COMMD10: variants seen among roughly 807,000 people sequenced by gnomAD.
The protein encoded by COMMD10 is COMM domain containing 10.
Under a neutral mutation model 28.9 loss-of-function variants are expected in COMMD10, and 33 were observed. The ratio of observed to expected loss-of-function variants is 1.14; its 90% CI spans 0.87 to 1.53. The LOEUF (loss-of-function observed/expected upper bound fraction) is 1.53. COMMD10 is among the 40% of genes most tolerant of loss of function. The pLI, the probability that COMMD10 is intolerant of heterozygous loss-of-function variation, is 0.00. For synonymous variants in COMMD10, 110 were observed against 81.7 expected (o/e 1.35, Z -1.87); for missense variants, 310 against 233.4 (o/e 1.33, Z -2.14).
chr5:116,191,258 A>G (rs1391246766), intron 5 of COMMD10, among the ~76,000 whole-genome samples: 1 of 152,142 alleles, frequency 6.6e-6, no homozygotes, highest in Non-Finnish European at 1.5e-5. Context: ...CTCTAGCTGA[A>G]CTTTGTAACA....
chr5:116,097,810 G>A (rs1227411313), intron 4 of COMMD10, among the ~76,000 whole-genome samples: 2 of 151,958 alleles, frequency 1.3e-5, no homozygotes, highest in African/African-American at 4.8e-5. Context: ...AGGAACAAGA[G>A]AGAGAGGGAG....
rs548911112 is a variant in COMMD10 at position 116,252,163 on chromosome 5, A to G, written c.511-39354A>G. On this transcript the variant is annotated intron_variant, in intron 5 of 6. Coordinates refer to ENST00000274458, the MANE Select transcript of COMMD10 (RefSeq NM_016144.4). Reference sequence around the variant, plus strand: ...ATGGGGTTGTTTGTTTTTTTCTTGTAAATTTGTTTGAGTTCATTGTAGATT... The same window carrying G: ...ATGGGGTTGTTTGTTTTTTTCTTGTGAATTTGTTTGAGTTCATTGTAGATT... Among the ~76,000 whole-genome samples the G allele has an allele frequency of 7.6e-3, 1,080 of 143,000 alleles. 13 individuals carry two copies. Among genetic ancestry groups the G allele is most frequent in the African/African-American group, 0.028 (1,038 of 37,136 alleles). The allele number at this position is 143,000 out of a possible 152,430, so 93.8% of individuals were successfully genotyped here.
At chr5:116,265,524 T>TAA (rs1365922174) in intron 5 of COMMD10, among the ~76,000 whole-genome samples, 52 of 151,826 alleles carry the variant, frequency 3.4e-4, no homozygotes, top group Non-Finnish European at 6.8e-4. Context: ...TGTGTTTTCC[T>TAA]TACTCACCAT....
At chr5:116,283,858 A>C (rs1177833720) in intron 5 of COMMD10, among the ~76,000 whole-genome samples, 3 of 151,812 alleles carry the variant, frequency 2.0e-5, no homozygotes, top group African/African-American at 7.3e-5. Flanking sequence ...GGCCAGGTAC[A>C]GTGGCTCATG....
At chr5:116,219,616 G>T (rs1395482710) in intron 5 of COMMD10, among the ~76,000 whole-genome samples, 1 of 152,052 alleles carries the variant, frequency 6.6e-6, no homozygotes, top group African/African-American at 2.4e-5. Flanking sequence ...TTTCCAAGAG[G>T]GAATATAGCC....
intron 5 of COMMD10, among the ~76,000 whole-genome samples, chr5:116,247,745 G>T (rs935979224): frequency 6.6e-6 from 1 of 152,014 alleles, no homozygotes; most frequent in Non-Finnish European, 1.5e-5. Flanking sequence ...TCCCTTATAA[G>T]TGGGAGCTAA....
intron 4 of COMMD10, among the ~76,000 whole-genome samples, chr5:116,098,592 A>G (rs1054153628): frequency 2.0e-5 from 3 of 152,224 alleles, no homozygotes; most frequent in Admixed American, 6.5e-5. Flanking sequence ...GATTTAAAGT[A>G]TAAAGGAGGA....
chr5:116,282,850 G>A (rs928470791), intron 5 of COMMD10, among the ~76,000 whole-genome samples: 1 of 151,852 alleles, frequency 6.6e-6, no homozygotes, highest in Non-Finnish European at 1.5e-5. Context: ...GTCACCTCCT[G>A]TGGTACTAGG....
intron 5 of COMMD10, among the ~76,000 whole-genome samples, chr5:116,134,755 G>T (rs1751976316): frequency 6.6e-6 from 1 of 152,096 alleles, no homozygotes; most frequent in Non-Finnish European, 1.5e-5. Context: ...CCGAGTAGCT[G>T]GGACTACAGG....
intron 5 of COMMD10, among the ~76,000 whole-genome samples, chr5:116,247,423 C>A (rs543367731): frequency 2.6e-5 from 4 of 152,096 alleles, no homozygotes; most frequent in African/African-American, 9.6e-5. Flanking sequence ...TCCTTGAAGA[C>A]CTAACAGCAG....
intron 5 of COMMD10, among the ~76,000 whole-genome samples, chr5:116,207,713 A>G (rs1356546032): frequency 6.6e-6 from 1 of 152,086 alleles, no homozygotes; most frequent in Admixed American, 6.6e-5. Context: ...TTTAGTAGAG[A>G]TGAGGTTTCA....
intron 5 of COMMD10, among the ~76,000 whole-genome samples, chr5:116,252,149 T>A (rs1172111004): frequency 1.4e-5 from 2 of 146,868 alleles, no homozygotes; most frequent in Non-Finnish European, 3.0e-5. Flanking sequence ...TGGGGTTGTT[T>A]GTTTTTTTCT....
chr5:116,121,632 C>T (rs1312609778), intron 4 of COMMD10, among the ~76,000 whole-genome samples: 1 of 152,216 alleles, frequency 6.6e-6, no homozygotes, highest in Non-Finnish European at 1.5e-5. Flanking sequence ...TCCACATCCT[C>T]TTCAGCATCT....
intron 5 of COMMD10, among the ~76,000 whole-genome samples, chr5:116,135,842 A>G (rs561444443): frequency 6.6e-6 from 1 of 152,248 alleles, no homozygotes; most frequent in South Asian, 2.1e-4. Flanking sequence ...GGGCAGGGGG[A>G]CTACTGTGTG....
intron 4 of COMMD10, among the ~76,000 whole-genome samples, chr5:116,114,454 A>G (rs1161328413): frequency 2.6e-5 from 4 of 152,112 alleles, no homozygotes; most frequent in Admixed American, 2.6e-4. Context: ...ACTTGCAGAT[A>G]GAAACCAACC....
intron 4 of COMMD10, among the ~76,000 whole-genome samples, chr5:116,125,379 C>T (rs1751589542): frequency 6.6e-6 from 1 of 152,140 alleles, no homozygotes; most frequent in African/African-American, 2.4e-5. Context: ...ACATTGGCCC[C>T]CACTCTCTTC....
At chr5:116,221,282 A>G (rs1749248980) in intron 5 of COMMD10, among the ~76,000 whole-genome samples, 1 of 151,790 alleles carries the variant, frequency 6.6e-6, no homozygotes, top group Non-Finnish European at 1.5e-5. Flanking sequence ...CTTGCCCTCT[A>G]CTATCTCCTT....
At chr5:116,098,333 A>G (rs1358637026) in intron 4 of COMMD10, among the ~76,000 whole-genome samples, 1 of 152,182 alleles carries the variant, frequency 6.6e-6, no homozygotes, top group Admixed American at 6.5e-5. Flanking sequence ...TAACTGTTTT[A>G]TGGTAACTTA....
rs140781237 is a variant in COMMD10 at position 116,257,817 on chromosome 5, C to G, written c.511-33700C>G. 5.6e-4 allele frequency among the ~76,000 whole-genome samples: 85 copies of G among 151,806 alleles called. No individual in the cohort carries two copies. The Middle Eastern group carries it at 0.014, about 24-fold the overall frequency. On this transcript the variant is annotated intron_variant, in intron 5 of 6. Coordinates refer to ENST00000274458, the MANE Select transcript of COMMD10 (RefSeq NM_016144.4). ...TTTTAAGATTCTTATATGTGGACCACTTTGTATAATGTGCCTACAAGGTAA... is the reference window on the plus strand; with the variant it reads ...TTTTAAGATTCTTATATGTGGACCAGTTTGTATAATGTGCCTACAAGGTAA...
Sources: allele counts gnomAD v4.1 joint callset (sites outside exome capture counted in the v4.1 genomes callset), GRCh38; gene constraint gnomAD v4.1.1; transcripts MANE v1.5; gene names NCBI Gene and HGNC (gene_info 2026-07-23, HGNC 2026-07-21).